Variants in TNFRSF21 observed in about 807,000 individuals in gnomAD.
TNFRSF21 encodes the protein tumor necrosis factor receptor superfamily member 21.
Under a neutral mutation model 45.6 loss-of-function variants are expected in TNFRSF21, and 19 were observed. That is an observed-to-expected ratio of 0.42 (90% CI 0.29 to 0.61). TNFRSF21 has a LOEUF of 0.61. TNFRSF21 is among the 20% of genes least tolerant of loss of function. The pLI, the probability that TNFRSF21 is intolerant of heterozygous loss-of-function variation, is 0.23. For synonymous variants in TNFRSF21, 314 were observed against 335.5 expected (o/e 0.94, Z 0.70); for missense variants, 737 against 851.5 (o/e 0.87, Z 1.67).
intron 3 of TNFRSF21, among the ~76,000 whole-genome samples, chr6:47,270,238 G>C (rs1379956924): frequency 6.6e-6 from 1 of 152,226 alleles, no homozygotes; most frequent in Admixed American, 6.5e-5. Flanking sequence ...CTCCCAACAG[G>C]GGCCAACAGA....
intron 4 of TNFRSF21, among the ~76,000 whole-genome samples, chr6:47,239,081 T>C (rs1226427112): frequency 6.6e-6 from 1 of 151,048 alleles, no homozygotes; most frequent in East Asian, 1.9e-4. Flanking sequence ...AGGTCAGGAG[T>C]TCAAGACCAG....
At chr6:47,294,189 G>C (rs1276805489) in intron 1 of TNFRSF21, among the ~76,000 whole-genome samples, 3 of 152,148 alleles carry the variant, frequency 2.0e-5, no homozygotes, top group African/African-American at 7.2e-5. Flanking sequence ...CTGTCGCCAG[G>C]CTGGGGTGCA....
chr6:47,261,832 C>T (rs1032434087), intron 3 of TNFRSF21, among the ~76,000 whole-genome samples: 3 of 152,232 alleles, frequency 2.0e-5, no homozygotes, highest in African/African-American at 7.2e-5. Context: ...CTAAAAGCAA[C>T]ATACCCACAT....
At chr6:47,267,255 C>T (rs1487752185) in intron 3 of TNFRSF21, among the ~76,000 whole-genome samples, 2 of 151,804 alleles carry the variant, frequency 1.3e-5, no homozygotes, top group Non-Finnish European at 2.9e-5. Context: ...CGCACCACTA[C>T]GCCCAGCTAA....
At chr6:47,294,244 A>T (rs1247728058) in intron 1 of TNFRSF21, among the ~76,000 whole-genome samples, 1 of 152,148 alleles carries the variant, frequency 6.6e-6, no homozygotes, top group African/African-American at 2.4e-5. Flanking sequence ...CCTGGGTTCA[A>T]GCAATTCCCC....
intron 4 of TNFRSF21, among the ~76,000 whole-genome samples, chr6:47,239,645 G>A (rs1764718335): frequency 6.6e-6 from 1 of 152,106 alleles, no homozygotes; most frequent in African/African-American, 2.4e-5. Context: ...AAAAATCAAA[G>A]TCATGAAAAT....
At chr6:47,261,677 T>C (rs1383757189) in intron 3 of TNFRSF21, among the ~76,000 whole-genome samples, 8 of 152,242 alleles carry the variant, frequency 5.3e-5, no homozygotes, top group Admixed American at 3.3e-4. Flanking sequence ...TCTTCCCATT[T>C]AGAGTGATCC....
At chr6:47,251,107 C>T (rs1484902479) in intron 4 of TNFRSF21, among the ~76,000 whole-genome samples, 1 of 152,138 alleles carries the variant, frequency 6.6e-6, no homozygotes, top group East Asian at 1.9e-4. Flanking sequence ...TAAAACACTT[C>T]CAGTCCCAAG....
chr6:47,279,104 A>G (rs1433629576), intron 3 of TNFRSF21, among the ~76,000 whole-genome samples: 1 of 152,180 alleles, frequency 6.6e-6, no homozygotes, highest in Non-Finnish European at 1.5e-5. Context: ...GAGCTTCTTC[A>G]TCCATAAGTA....
In TNFRSF21 at chr6:47,288,626, C is replaced by T. The variant is rs145068316; in HGVS notation, c.97-2031G>A. ...TTGCTGAATAGTTCTCTTCCTTTCC[C>T]CAACCCCAATGTTAAGCTGCCATTT... On this transcript the variant is annotated intron_variant, in intron 1 of 5. Transcript: ENST00000296861. 9.0e-3 allele frequency among the ~76,000 whole-genome samples: 1,369 copies of T among 152,134 alleles called. 8 individuals carry two copies. Among genetic ancestry groups the T allele is most frequent in the Middle Eastern group, 0.02 (6 of 294 alleles).
chr6:47,243,451 C>T (rs904582839), intron 4 of TNFRSF21, among the ~76,000 whole-genome samples: 6 of 151,244 alleles, frequency 4.0e-5, no homozygotes, highest in Admixed American at 1.3e-4. Flanking sequence ...TTGTTTTTTT[C>T]GTGTCTCCCA....
intron 3 of TNFRSF21, among the ~76,000 whole-genome samples, chr6:47,261,331 C>G (rs1423786246): frequency 6.6e-6 from 1 of 152,254 alleles, no homozygotes; most frequent in Non-Finnish European, 1.5e-5. Flanking sequence ...CAAGACCACA[C>G]TGCTTTGACT....
At chr6:47,256,587 C>T (rs1051318452) in intron 3 of TNFRSF21, among the ~76,000 whole-genome samples, 2 of 152,190 alleles carry the variant, frequency 1.3e-5, no homozygotes, top group East Asian at 3.9e-4. Flanking sequence ...TACTGTACTT[C>T]TCACACAGTT....
intron 1 of TNFRSF21, among the ~76,000 whole-genome samples, chr6:47,296,124 T>C (rs951303669): frequency 1.1e-4 from 16 of 152,126 alleles, no homozygotes; most frequent in African/African-American, 3.9e-4. Context: ...ACCCATTTAT[T>C]TAGTCACTAA....
rs1315107020 is a variant in TNFRSF21 at position 47,284,294 on chromosome 6, T to C, written c.887A>G (p.Gln296Arg). 1.9e-6 allele frequency: 3 copies of C among 1,609,820 alleles called. No homozygotes were observed. Among genetic ancestry groups the C allele is most frequent in the Non-Finnish European group, 2.5e-6 (3 of 1,178,046 alleles). ...GGGGCCTTGCTGGTGGTTGACTACC[T>C]GAAGGTTTGGGAGGGTCTTGTTCAC... ...EDVNKTLPNL[Q>R]VVNHQQGPHH... The change falls in exon 3 of 6, where the codon CAG becomes CGG. Residue 296 changes from glutamine (Q) to arginine (R), a missense_variant. Physicochemically the swap from Gln to Arg is conservative, Grantham distance 43. Transcript: ENST00000296861.
At chr6:47,283,207 T>C (rs1762594233) in intron 3 of TNFRSF21, among the ~76,000 whole-genome samples, 1 of 152,156 alleles carries the variant, frequency 6.6e-6, no homozygotes, top group Non-Finnish European at 1.5e-5. Context: ...CAAACTTAGC[T>C]CTGGGACAAG....
Position 47,232,623 on chromosome 6 carries a change from A to T in TNFRSF21, c.*142T>A. On this transcript the variant is annotated 3_prime_UTR_variant, in exon 6 of 6. Transcript: ENST00000296861. ...TCAAGCACTGGCCATATTCTCTGTTAAACACACACACACACACACACACAC... is the reference window on the plus strand; with the variant it reads ...TCAAGCACTGGCCATATTCTCTGTTTAACACACACACACACACACACACAC... The T allele has an allele frequency of 1.7e-6, 1 of 590,730 alleles. No individual in the cohort carries two copies. Among genetic ancestry groups the T allele is most frequent in the Non-Finnish European group, 2.8e-6 (1 of 362,460 alleles). The allele number at this position is 590,730 out of a possible 1,614,324, so 36.6% of individuals were successfully genotyped here. A position where few individuals can be genotyped will look rare whatever the true frequency, so the allele number is the denominator to read the frequency against.
intron 4 of TNFRSF21, among the ~76,000 whole-genome samples, chr6:47,244,351 G>C (rs999215654): frequency 6.8e-6 from 1 of 147,584 alleles, no homozygotes. Flanking sequence ...AAAGGCTTCA[G>C]TATTTCCTTC....
At chr6:47,286,956 A>G (rs1762658192) in intron 1 of TNFRSF21, among the ~76,000 whole-genome samples, 1 of 152,220 alleles carries the variant, frequency 6.6e-6, no homozygotes, top group East Asian at 1.9e-4. Context: ...TTAAAATGTT[A>G]TATATGGCTG....
Sources: gnomAD v4.1 joint callset for allele counts (sites outside exome capture counted in the v4.1 genomes callset) on GRCh38, gnomAD v4.1.1 for gene constraint, MANE v1.5 for transcripts, NCBI Gene and HGNC (gene_info 2026-07-23, HGNC 2026-07-21) for gene names.